ATRNL1: variants seen among roughly 807,000 people sequenced by gnomAD.
ATRNL1 encodes attractin like 1, also known as attractin-like protein 1.
In ATRNL1, 95 loss-of-function variants were observed where a neutral mutation model predicts 182.7. That is an observed-to-expected ratio of 0.52 (90% CI 0.44 to 0.62). ATRNL1 has a LOEUF of 0.62. Ranked by LOEUF, ATRNL1 falls within the 20% of genes least tolerant of loss-of-function variation. The probability of loss-of-function intolerance (pLI) is 0.00; values close to 1 mark genes in which losing one functional copy is unlikely to be tolerated. For synonymous variants in ATRNL1, 576 were observed against 568.3 expected, an observed-to-expected ratio of 1.01 and a Z score of -0.19; for missense variants, 1,471 against 1,679.5, an observed-to-expected ratio of 0.88 and a Z score of 2.17.
At chr10:115,736,508 A>G (rs1555065755) in intron 27 of ATRNL1, among the ~76,000 whole-genome samples, 1 of 152,002 alleles carries the variant, frequency 6.6e-6, no homozygotes, top group African/African-American at 2.4e-5. Flanking sequence ...GATCATTTCA[A>G]TATCTGAAAT....
intron 9 of ATRNL1, among the ~76,000 whole-genome samples, chr10:115,218,901 C>T (rs1849333574): frequency 6.6e-6 from 1 of 152,126 alleles, no homozygotes; most frequent in African/African-American, 2.4e-5. Flanking sequence ...AAACTCTGAC[C>T]AGTGACCCAC....
intron 19 of ATRNL1, among the ~76,000 whole-genome samples, chr10:115,361,236 C>A (rs1554944120): frequency 6.6e-6 from 1 of 151,940 alleles, no homozygotes; most frequent in Non-Finnish European, 1.5e-5. Flanking sequence ...TTTCTTTATT[C>A]TTTCCACATT....
intron 26 of ATRNL1, among the ~76,000 whole-genome samples, chr10:115,573,091 A>G (rs1425531893): frequency 6.6e-6 from 1 of 152,166 alleles, no homozygotes. Context: ...AACCAGTGTG[A>G]CAGATTTCTG....
At chr10:115,725,627 T>G (rs1947573196) in intron 26 of ATRNL1, among the ~76,000 whole-genome samples, 1 of 152,182 alleles carries the variant, frequency 6.6e-6, no homozygotes, top group African/African-American at 2.4e-5. Flanking sequence ...CAAGACTTTT[T>G]GTACATGAGT....
At position 115,391,519 on chromosome 10, in the gene ATRNL1, C is replaced by T. The variant is rs572221384; in HGVS notation, c.3176-3140C>T. Reference sequence around the variant, plus strand: ...TGAAAAGTTGAGTGCTTATTTCATTCTTCCTTGACTTAGGGGTATCTTGCT... The same window carrying T: ...TGAAAAGTTGAGTGCTTATTTCATTTTTCCTTGACTTAGGGGTATCTTGCT... On this transcript the variant is annotated intron_variant, in intron 19 of 28. Coordinates refer to ENST00000355044, the MANE Select transcript of ATRNL1 (RefSeq NM_207303.4). Among the ~76,000 whole-genome samples the T allele has an allele frequency of 4.3e-4, 65 of 152,180 alleles. 2 individuals are homozygous for T. The South Asian group carries it at 0.013, about 32-fold the overall frequency.
intron 28 of ATRNL1, among the ~76,000 whole-genome samples, chr10:115,869,544 T>C (rs1555105565): frequency 6.6e-6 from 1 of 152,190 alleles, no homozygotes; most frequent in African/African-American, 2.4e-5. Flanking sequence ...GACTCATTTC[T>C]CTTCTACTGT....
At chr10:115,273,158 G>A (rs923926668) in intron 13 of ATRNL1, among the ~76,000 whole-genome samples, 4 of 152,096 alleles carry the variant, frequency 2.6e-5, no homozygotes, top group South Asian at 4.1e-4. Context: ...AGTGGTCATA[G>A]CCAGGTTGGC....
At chr10:115,414,748 T>C (rs1845307714) in intron 20 of ATRNL1, among the ~76,000 whole-genome samples, 2 of 151,934 alleles carry the variant, frequency 1.3e-5, no homozygotes, top group Non-Finnish European at 2.9e-5. Flanking sequence ...TTATTTCACC[T>C]TCTTACACAA....
intron 5 of ATRNL1, among the ~76,000 whole-genome samples, chr10:115,156,665 T>G (rs1846533091): frequency 6.6e-6 from 1 of 152,104 alleles, no homozygotes; most frequent in Non-Finnish European, 1.5e-5. Flanking sequence ...CGGAGAAGAT[T>G]CTTTTTGAAA....
intron 26 of ATRNL1, among the ~76,000 whole-genome samples, chr10:115,710,545 C>G (rs1474953892): frequency 6.6e-6 from 1 of 152,068 alleles, no homozygotes; most frequent in Non-Finnish European, 1.5e-5. Flanking sequence ...AAGATGTGAT[C>G]CATTCTTGAT....
At chr10:115,798,348 T>C (rs1949708822) in intron 27 of ATRNL1, among the ~76,000 whole-genome samples, 1 of 152,312 alleles carries the variant, frequency 6.6e-6, no homozygotes, top group South Asian at 2.1e-4. Flanking sequence ...CTCTCACCTG[T>C]TACAGGAGGC....
At chr10:115,271,543 A>G (rs1851867000) in intron 13 of ATRNL1, among the ~76,000 whole-genome samples, 1 of 152,160 alleles carries the variant, frequency 6.6e-6, no homozygotes, top group South Asian at 2.1e-4. Context: ...ATTGTAAATC[A>G]TGCTGCTATA....
intron 26 of ATRNL1, among the ~76,000 whole-genome samples, chr10:115,711,761 C>T (rs1016627131): frequency 6.6e-6 from 1 of 152,048 alleles, no homozygotes; most frequent in Non-Finnish European, 1.5e-5. Context: ...GGAAATTTAC[C>T]GCCAACTTAT....
chr10:115,371,234 G>T (rs2134197106), intron 19 of ATRNL1, among the ~76,000 whole-genome samples: 1 of 152,268 alleles, frequency 6.6e-6, no homozygotes, highest in Middle Eastern at 3.4e-3. Flanking sequence ...GGGAATTGTG[G>T]GGTGGTACCC....
In ATRNL1 at chr10:115,476,822, C is replaced by T. The variant is rs373706692; in HGVS notation, c.3654+7493C>T. On this transcript the variant is annotated intron_variant, in intron 24 of 28. Coordinates refer to ENST00000355044, the MANE Select transcript of ATRNL1 (RefSeq NM_207303.4). ...ATTGTGAATATAACCTCCCCTTATA[C>T]CTAACTACTAGAAATTACTCTTTTC... is the stretch of plus-strand genomic sequence containing the variant. Among the ~76,000 whole-genome samples the T allele has an allele frequency of 2.4e-4, 37 of 151,416 alleles. 1 individual carries two copies. The South Asian group carries it at 7.5e-3, about 31-fold the overall frequency.
At chr10:115,547,989 A>G (rs1852762649) in intron 25 of ATRNL1, among the ~76,000 whole-genome samples, 1 of 152,204 alleles carries the variant, frequency 6.6e-6, no homozygotes, top group Non-Finnish European at 1.5e-5. Flanking sequence ...TAGAGAATGG[A>G]TATGGAAACA....
intron 20 of ATRNL1, among the ~76,000 whole-genome samples, chr10:115,411,653 A>G (rs1420813181): frequency 6.6e-6 from 1 of 152,104 alleles, no homozygotes; most frequent in African/African-American, 2.4e-5. Flanking sequence ...TTTTTAAAAT[A>G]TTATTTAGCT....
chr10:115,316,231 A>C (rs1341273499), intron 18 of ATRNL1, among the ~76,000 whole-genome samples: 1 of 152,074 alleles, frequency 6.6e-6, no homozygotes, highest in Non-Finnish European at 1.5e-5. Context: ...TTCCTGTGTT[A>C]GTTGGCTGAG....
intron 24 of ATRNL1, among the ~76,000 whole-genome samples, chr10:115,491,408 T>A (rs1468277654): frequency 7.2e-6 from 1 of 138,422 alleles, no homozygotes; most frequent in Non-Finnish European, 1.6e-5. Flanking sequence ...GTCCCTGACT[T>A]GGGCTGCTGC....
Sources: allele counts gnomAD v4.1 joint callset (sites outside exome capture counted in the v4.1 genomes callset), GRCh38; gene constraint gnomAD v4.1.1; transcripts MANE v1.5; gene names NCBI Gene and HGNC (gene_info 2026-07-23, HGNC 2026-07-21).